The following ATP13A4 variants were observed in gnomAD, a reference collection of about 807,000 sequenced individuals.
The protein encoded by ATP13A4 is ATPase 13A4.
Under a neutral mutation model 142.5 loss-of-function variants are expected in ATP13A4, and 114 were observed. That is an observed-to-expected ratio of 0.80 (90% confidence interval 0.69 to 0.93). The LOEUF (loss-of-function observed/expected upper bound fraction) is 0.93. Among genes scored for constraint, ATP13A4 ranks in the 40% least tolerant of loss-of-function variants. The pLI is 0.00. For missense variants in ATP13A4, 1,392 were observed against 1,454.0 expected, an observed-to-expected ratio of 0.96 and a Z score of 0.69; for synonymous variants, 488 against 514.8, an observed-to-expected ratio of 0.95 and a Z score of 0.70.
chr3:193,495,290 C>A (rs1156579830), intron 3 of ATP13A4, among the ~76,000 whole-genome samples: 1 of 151,740 alleles, frequency 6.6e-6, no homozygotes, highest in African/African-American at 2.4e-5. Context: ...GACAAGGGCA[C>A]AACAAAAAAG....
At chr3:193,571,405 C>T (rs956320271) in intron 2 of ATP13A4, among the ~76,000 whole-genome samples, 6 of 152,120 alleles carry the variant, frequency 3.9e-5, no homozygotes, top group Admixed American at 1.3e-4. Flanking sequence ...CAGGGCTCCT[C>T]AGAAAGGGCT....
At chr3:193,545,842 AT>A (rs1468574082) in intron 1 of ATP13A4, among the ~76,000 whole-genome samples, 1 of 152,086 alleles carries the variant, frequency 6.6e-6, no homozygotes, top group Admixed American at 6.6e-5. Context: ...TTCCCATTTG[AT>A]TTAATGTTTC....
chr3:193,566,650 T>C (rs561624015), intron 2 of ATP13A4, among the ~76,000 whole-genome samples: 20 of 152,304 alleles, frequency 1.3e-4, no homozygotes, highest in African/African-American at 4.6e-4. Flanking sequence ...GTGGTAACAG[T>C]TGCCTCACCA....
chr3:193,516,912 T>C (rs1156889882), intron 1 of ATP13A4, among the ~76,000 whole-genome samples: 1 of 152,214 alleles, frequency 6.6e-6, no homozygotes, highest in Non-Finnish European at 1.5e-5. Context: ...AAAGTTACTA[T>C]AATACCTTTA....
chr3:193,591,777 T>C (rs1385127704), intron 1 of ATP13A4, among the ~76,000 whole-genome samples: 1 of 152,214 alleles, frequency 6.6e-6, no homozygotes, highest in African/African-American at 2.4e-5. Context: ...TTAAAGTCTT[T>C]TATCCCTAAT....
intron 18 of ATP13A4, among the ~76,000 whole-genome samples, chr3:193,446,488 A>C (rs1285980614): frequency 6.6e-6 from 1 of 152,206 alleles, no homozygotes; most frequent in Non-Finnish European, 1.5e-5. Context: ...TAAGTGAATG[A>C]ATCATCATAA....
rs1715710705 is a variant in ATP13A4 at position 193,427,154 on chromosome 3, C to T, written c.2842+6691G>A. ...TGCAAAAATCACAAGCATTCTTATA[C>T]ACCACTAACAGAGAAACAGCCAAAT... On this transcript the variant is annotated intron_variant, in intron 25 of 29. Transcript: ENST00000342695. Among the ~76,000 whole-genome samples, 5 of 152,022 alleles carry T rather than the reference C, an allele frequency of 3.3e-5. No individual in the cohort carries two copies. The South Asian group carries it at 1.0e-3, about 32-fold the overall frequency.
rs1339704013 is a variant in ATP13A4, at chr3:193,502,476, GC to G, written c.381+16del. ...TTAAATCTCTCTGACATCAGCAGTA[GC>G]CATAAGTTTACTTACCTTTAGGTCT... On this transcript the variant is annotated intron_variant, in intron 3 of 29. Coordinates refer to ENST00000342695, the MANE Select transcript of ATP13A4 (RefSeq NM_032279.4). 6.2e-7 allele frequency: 1 copy of G among 1,612,000 alleles called. No individual in the cohort carries two copies. Among genetic ancestry groups the G allele is most frequent in the Non-Finnish European group, 8.5e-7 (1 of 1,178,190 alleles).
At chr3:193,462,920 G>A (rs745789640) in intron 12 of ATP13A4, 97 bp from the exon 13 acceptor site, 8 of 1,238,048 alleles carry the variant, frequency 6.5e-6, no homozygotes, top group Non-Finnish European at 9.4e-6. Flanking sequence ...GGAGGCAAGA[G>A]GATCACTTGA....
chr3:193,502,778 G>A (rs1720626434), intron 2 of ATP13A4, 139 bp from the exon 3 acceptor site: 1 of 911,992 alleles, frequency 1.1e-6, no homozygotes, highest in Admixed American at 2.1e-5. Context: ...GTTTGTCTCT[G>A]AAAGATGATG....
intron 1 of ATP13A4, among the ~76,000 whole-genome samples, chr3:193,586,165 C>CACAAT (rs1724667111): frequency 6.6e-6 from 1 of 151,942 alleles, no homozygotes. Context: ...TGCATTTTTG[C>CACAAT]CCATTTTTAA....
upstream of ATP13A4, among the ~76,000 whole-genome samples, chr3:193,557,021 T>C (rs1005026794): frequency 6.6e-6 from 1 of 152,190 alleles, no homozygotes; most frequent in Non-Finnish European, 1.5e-5. Flanking sequence ...CAGTTTCCTT[T>C]TGGCTGGGTT....
chr3:193,583,331 G>C (rs1724608431), intron 1 of ATP13A4, among the ~76,000 whole-genome samples: 1 of 152,090 alleles, frequency 6.6e-6, no homozygotes, highest in Non-Finnish European at 1.5e-5. Flanking sequence ...TACTCAGCAG[G>C]CTGAGGCAGG....
chr3:193,565,158 C>A (rs758059759), intron 2 of ATP13A4, among the ~76,000 whole-genome samples: 1 of 152,154 alleles, frequency 6.6e-6, no homozygotes, highest in Non-Finnish European at 1.5e-5. Context: ...CCACCGCCCC[C>A]GACTCCAACA....
chr3:193,567,782 T>A (rs1577083784), intron 2 of ATP13A4, among the ~76,000 whole-genome samples: 1 of 152,038 alleles, frequency 6.6e-6, no homozygotes. Flanking sequence ...GTTTCTTTCC[T>A]CCCCACCAGC....
chr3:193,427,229 G>A (rs539178412), intron 25 of ATP13A4, among the ~76,000 whole-genome samples: 1 of 152,078 alleles, frequency 6.6e-6, no homozygotes, highest in South Asian at 2.1e-4. Flanking sequence ...AAAATACCTA[G>A]GAATCCAACT....
At chr3:193,573,281 A>ATATATG (rs1326155370) in intron 2 of ATP13A4, among the ~76,000 whole-genome samples, 102 of 99,834 alleles carry the variant, frequency 1.0e-3, no homozygotes, top group African/African-American at 4.5e-3. Context: ...ATATACATAT[A>ATATATG]TATATATACA....
At chr3:193,412,126 T>C in intron 27 of ATP13A4, 52 bp downstream of exon 27, 2 of 1,497,644 alleles carry the variant, frequency 1.3e-6, no homozygotes, top group Non-Finnish European at 1.9e-6. Flanking sequence ...TGGACATGTC[T>C]GTTCCCCTCT....
intron 21 of ATP13A4, chr3:193,440,303 T>C (rs1405214863): frequency 1.9e-6 from 1 of 514,152 alleles, no homozygotes; most frequent in African/African-American, 2.0e-5. Flanking sequence ...GTTCTCAGCA[T>C]TGAATGCAAA....
Sources: gnomAD v4.1 joint callset for allele counts (sites outside exome capture counted in the v4.1 genomes callset) on GRCh38, gnomAD v4.1.1 for gene constraint, MANE v1.5 for transcripts, NCBI Gene and HGNC (gene_info 2026-07-23, HGNC 2026-07-21) for gene names.